LRRTM4: variants seen among roughly 807,000 people sequenced by gnomAD.
LRRTM4 encodes the protein leucine-rich repeat transmembrane neuronal protein 4.
In LRRTM4, 25 loss-of-function variants were observed where a neutral mutation model predicts 47.6. That is an observed-to-expected ratio of 0.53 (90% confidence interval 0.38 to 0.73). The LOEUF (loss-of-function observed/expected upper bound fraction) is 0.73. Ranked by LOEUF, LRRTM4 falls within the 30% of genes least tolerant of loss-of-function variation. LRRTM4 has a pLI of 0.00. For missense variants in LRRTM4, 638 were observed against 713.4 expected (o/e 0.89, Z 1.20); for synonymous variants, 311 against 269.5 (o/e 1.15, Z -1.51).
At chr2:77,333,813 T>C (rs1406211484) in intron 3 of LRRTM4, among the ~76,000 whole-genome samples, 5 of 152,084 alleles carry the variant, frequency 3.3e-5, no homozygotes, top group Non-Finnish European at 7.4e-5. Flanking sequence ...GAACCCAGAA[T>C]GGTAATTCCA....
chr2:76,975,403 C>CTTATTTAT (rs34131318), intron 3 of LRRTM4, among the ~76,000 whole-genome samples: 1,617 of 149,306 alleles, frequency 0.011, 19 homozygotes, highest in African/African-American at 0.031. Flanking sequence ...TCATAAGAGA[C>CTTATTTAT]TTATTTATTT....
At chr2:76,980,854 G>C (rs1002449695) in intron 3 of LRRTM4, among the ~76,000 whole-genome samples, 1 of 152,002 alleles carries the variant, frequency 6.6e-6, no homozygotes, top group African/African-American at 2.4e-5. Flanking sequence ...ACATTTCTCT[G>C]TTACATTATA....
At chr2:77,091,494 C>G (rs1253455064) in intron 3 of LRRTM4, among the ~76,000 whole-genome samples, 1 of 151,120 alleles carries the variant, frequency 6.6e-6, no homozygotes, top group East Asian at 2.0e-4. Flanking sequence ...ACAAGCCTTA[C>G]AAGTTAGTTC....
At chr2:76,974,419 G>A (rs1255754876) in intron 3 of LRRTM4, among the ~76,000 whole-genome samples, 1 of 150,606 alleles carries the variant, frequency 6.6e-6, no homozygotes, top group Non-Finnish European at 1.5e-5. Flanking sequence ...TTGAAACTAT[G>A]CACTGATTAT....
Position 77,412,986 on chromosome 2 carries a change from G to A in LRRTM4, c.1551+105332C>T, listed in dbSNP as rs1399563801. The stretch of plus-strand genomic sequence containing the variant: ...AATTTACTACTTAAAAAGCATTTTT[G>A]TGTACATCTTCTCTACTGAGGCTCT... On this transcript the variant is annotated intron_variant, in intron 3 of 3. Coordinates refer to ENST00000409884, the MANE Select transcript of LRRTM4 (RefSeq NM_001134745.3). Among the ~76,000 whole-genome samples the A allele has an allele frequency of 3.3e-5, 5 of 152,018 alleles. No individual in the cohort carries two copies. In the East Asian group the frequency reaches 9.7e-4, roughly 29 times the overall value.
At chr2:77,517,650 A>AAAGG in intron 3 of LRRTM4, 1 of 979,602 alleles carries the variant, frequency 1.0e-6, no homozygotes, top group Non-Finnish European at 1.2e-6. Flanking sequence ...GAAGGAAGAG[A>AAAGG]AAGGAAGGAA....
intron 3 of LRRTM4, among the ~76,000 whole-genome samples, chr2:76,909,193 AT>A (rs1218282104): frequency 1.3e-5 from 2 of 152,228 alleles, no homozygotes; most frequent in African/African-American, 4.8e-5. Flanking sequence ...AATGCTGCTT[AT>A]CTACAACTAT....
chr2:76,914,911 A>C (rs1296526793), intron 3 of LRRTM4, among the ~76,000 whole-genome samples: 1 of 152,250 alleles, frequency 6.6e-6, no homozygotes, highest in Non-Finnish European at 1.5e-5. Context: ...GAGCAGAAAG[A>C]AAATGTCAGT....
At chr2:77,419,958 T>C (rs2103879020) in intron 3 of LRRTM4, among the ~76,000 whole-genome samples, 1 of 152,282 alleles carries the variant, frequency 6.6e-6, no homozygotes, top group South Asian at 2.1e-4. Context: ...TGGGGACAGT[T>C]TCTGAAGGTG....
intron 3 of LRRTM4, among the ~76,000 whole-genome samples, chr2:76,935,723 T>A (rs11899785): frequency 0.28 from 42,905 of 152,060 alleles, 7,693 homozygotes; most frequent in African/African-American, 0.51. Context: ...AAGTTGCTTA[T>A]CAGCTTAAGG....
At chr2:77,074,473 T>TA (rs1680268013) in intron 3 of LRRTM4, among the ~76,000 whole-genome samples, 1 of 152,060 alleles carries the variant, frequency 6.6e-6, no homozygotes, top group East Asian at 1.9e-4. Flanking sequence ...CTTGGAATTA[T>TA]AAAAAACTGA....
chr2:76,798,155 C>G (rs928702810), intron 3 of LRRTM4, among the ~76,000 whole-genome samples: 2 of 152,054 alleles, frequency 1.3e-5, no homozygotes, highest in Non-Finnish European at 2.9e-5. Flanking sequence ...ACATTTTTTT[C>G]AGCACCGCAC....
At chr2:77,086,905 G>A (rs947771025) in intron 3 of LRRTM4, among the ~76,000 whole-genome samples, 6 of 124,800 alleles carry the variant, frequency 4.8e-5, no homozygotes, top group African/African-American at 2.5e-4. Context: ...TGGCAGTAAT[G>A]TTATCTAAAT....
chr2:77,402,884 T>G lies in LRRTM4; in HGVS notation c.1551+115434A>C, dbSNP rs1289686844. 2.6e-5 allele frequency among the ~76,000 whole-genome samples: 4 copies of G among 152,022 alleles called. No homozygotes were observed. The East Asian group carries it at 7.7e-4, about 29-fold the overall frequency. ...GCTTTACTCCATTCATGGATATCTA[T>G]ACTTGAAAATCTGCCACTGTATGGC... On this transcript the variant is annotated intron_variant, in intron 3 of 3. Coordinates refer to ENST00000409884, the MANE Select transcript of LRRTM4 (RefSeq NM_001134745.3).
At chr2:77,126,126 CTTAT>C (rs1393690225) in intron 3 of LRRTM4, among the ~76,000 whole-genome samples, 3 of 151,592 alleles carry the variant, frequency 2.0e-5, no homozygotes, top group East Asian at 1.9e-4. Context: ...TTATGAAATT[CTTAT>C]TTGTTTACCC....
chr2:77,462,711 A>G (rs1271889484), intron 3 of LRRTM4, among the ~76,000 whole-genome samples: 1 of 152,100 alleles, frequency 6.6e-6, no homozygotes, highest in Non-Finnish European at 1.5e-5. Context: ...TCCCAAGCAA[A>G]GGCTTTTAAA....
intron 3 of LRRTM4, among the ~76,000 whole-genome samples, chr2:77,370,558 A>G (rs1168947521): frequency 6.6e-6 from 1 of 151,648 alleles, no homozygotes; most frequent in Non-Finnish European, 1.5e-5. Context: ...TGAAAAAAAA[A>G]TGAGGTTTGA....
At chr2:76,969,647 C>G (rs1676151904) in intron 3 of LRRTM4, among the ~76,000 whole-genome samples, 1 of 151,832 alleles carries the variant, frequency 6.6e-6, no homozygotes, top group Non-Finnish European at 1.5e-5. Flanking sequence ...GCCATAACAA[C>G]AAAATAATAC....
rs1445337351 is a variant in LRRTM4, at chr2:76,776,351, T to C, written c.1552-27435A>G. On this transcript the variant is annotated intron_variant, in intron 3 of 3. Coordinates refer to ENST00000409884, the MANE Select transcript of LRRTM4 (RefSeq NM_001134745.3). ...TCGCCACACTGACTTCCACAATGGTTGAACTAGTTTACAGTCCCACCAACA... is the reference window on the plus strand; with the variant it reads ...TCGCCACACTGACTTCCACAATGGTCGAACTAGTTTACAGTCCCACCAACA... Among the ~76,000 whole-genome samples, 5 of 151,392 alleles carry C rather than the reference T, an allele frequency of 3.3e-5. 1 individual carries two copies. Among genetic ancestry groups the C allele is most frequent in the East Asian group, 3.9e-4 (2 of 5,068 alleles).
Sources: gnomAD v4.1 joint callset for allele counts (sites outside exome capture counted in the v4.1 genomes callset) on GRCh38, gnomAD v4.1.1 for gene constraint, MANE v1.5 for transcripts, NCBI Gene and HGNC (gene_info 2026-07-23, HGNC 2026-07-21) for gene names.